Variants in ATP11B observed in about 807,000 individuals in gnomAD.
ATP11B encodes ATPase phospholipid transporting 11B (putative), also known as phospholipid-transporting ATPase IF.
ATP11B carries 81 observed loss-of-function variants against 157.8 expected under a neutral mutation model. The ratio of observed to expected loss-of-function variants is 0.51; its 90% CI spans 0.43 to 0.62. The LOEUF is 0.62. Among genes scored for constraint, ATP11B ranks in the 20% least tolerant of loss-of-function variants. The pLI, the probability that ATP11B is intolerant of heterozygous loss-of-function variation, is 0.00. For synonymous variants in ATP11B, 451 were observed against 469.4 expected (o/e 0.96, Z 0.51); for missense variants, 1,165 against 1,402.2 (o/e 0.83, Z 2.70).
At chr3:182,867,490 A>G (rs544916334) in intron 15 of ATP11B, 46 bp downstream of exon 15, 3 of 1,284,422 alleles carry the variant, frequency 2.3e-6, no homozygotes, top group African/African-American at 2.9e-5. Flanking sequence ...TTAAGTGTAT[A>G]TAGTATAGAA....
At chr3:182,884,631 G>A (rs534572028) in intron 21 of ATP11B, 122 bp from the exon 22 acceptor site, 12 of 910,510 alleles carry the variant, frequency 1.3e-5, no homozygotes, top group Non-Finnish European at 1.9e-5. Flanking sequence ...GCTATCTGCT[G>A]TATATTAGGA....
intron 4 of ATP11B, chr3:182,830,099 A>G (rs1718016101): frequency 3.0e-6 from 1 of 333,980 alleles, no homozygotes; most frequent in African/African-American, 2.2e-5. Context: ...ATACAATTCA[A>G]AAGAGATATG....
intron 28 of ATP11B, chr3:182,902,461 C>G (rs1430576913): frequency 1.6e-6 from 2 of 1,278,084 alleles, no homozygotes; most frequent in African/African-American, 3.0e-5. Flanking sequence ...TGTGTCCATC[C>G]CTTTTCTGTC....
Position 182,836,419 on chromosome 3 carries a change from T to C in ATP11B, c.501T>C (p.Asp167=). 1 of 1,613,992 alleles carries C rather than the reference T, an allele frequency of 6.2e-7. No homozygotes were observed. Among genetic ancestry groups the C allele is most frequent in the Non-Finnish European group, 8.5e-7 (1 of 1,179,852 alleles). The change falls in exon 6 of 30, where the codon GAT becomes GAC. Residue 167 remains aspartate, a synonymous_variant. Coordinates refer to ENST00000323116, the MANE Select transcript of ATP11B (RefSeq NM_014616.3). The part of the protein sequence containing the change: ...DLVLLSSDRL[D]GSCHVTTASL... Reference sequence around the variant, plus strand: ...TGCTTCTGTCCTCAGATCGACTGGATGGTTCCTGTCACGTTACAACTGCTA... The same window carrying C: ...TGCTTCTGTCCTCAGATCGACTGGACGGTTCCTGTCACGTTACAACTGCTA...
intron 19 of ATP11B, among the ~76,000 whole-genome samples, chr3:182,876,842 G>A (rs1577063853): frequency 6.6e-6 from 1 of 152,264 alleles, no homozygotes; most frequent in African/African-American, 2.4e-5. Flanking sequence ...GAAGGGATTC[G>A]ACATTCAAAC....
chr3:182,894,675 C>T (rs1226387913), intron 25 of ATP11B, among the ~76,000 whole-genome samples: 1 of 152,124 alleles, frequency 6.6e-6, no homozygotes, highest in Non-Finnish European at 1.5e-5. Context: ...TCTTCTAGGA[C>T]CTTGAATGGG....
chr3:182,810,987 A>T (rs1290239405), intron 1 of ATP11B, among the ~76,000 whole-genome samples: 3 of 152,262 alleles, frequency 2.0e-5, no homozygotes, highest in Admixed American at 6.5e-5. Context: ...AATCCACATT[A>T]CCACCCTAAT....
At chr3:182,866,191 T>C in intron 13 of ATP11B, 77 bp from the exon 14 acceptor site, 1 of 1,124,404 alleles carries the variant, frequency 8.9e-7, no homozygotes. Flanking sequence ...TTCTAGATCT[T>C]AGAATTTTGC....
At chr3:182,795,111 G>C (rs1223005161) in intron 1 of ATP11B, among the ~76,000 whole-genome samples, 3 of 151,636 alleles carry the variant, frequency 2.0e-5, no homozygotes, top group Non-Finnish European at 4.4e-5. Flanking sequence ...TTTTAGCATT[G>C]TAAATTCAGA....
chr3:182,899,545 T>C (rs1280032938), intron 28 of ATP11B, among the ~76,000 whole-genome samples: 1 of 152,176 alleles, frequency 6.6e-6, no homozygotes, highest in Non-Finnish European at 1.5e-5. Context: ...ATTTTTAAAA[T>C]TACATTATCT....
At chr3:182,856,696 T>C (rs1255895995) in intron 10 of ATP11B, among the ~76,000 whole-genome samples, 4 of 152,220 alleles carry the variant, frequency 2.6e-5, no homozygotes, top group East Asian at 3.9e-4. Flanking sequence ...GTTCCTTTCT[T>C]ACATTCCTTA....
chr3:182,917,221 A>G (rs1490544362), intron 29 of ATP11B: 7 of 985,230 alleles, frequency 7.1e-6, no homozygotes, highest in Non-Finnish European at 8.4e-6. Context: ...CATAAAATGT[A>G]TTTATTGTTA....
intron 1 of ATP11B, among the ~76,000 whole-genome samples, chr3:182,799,378 A>G (rs1715836163): frequency 6.7e-6 from 1 of 148,938 alleles, no homozygotes; most frequent in South Asian, 2.1e-4. Context: ...CTGGGTTCCC[A>G]CCATTCTCCT....
At chr3:182,914,319 A>AATT in intron 29 of ATP11B, 1 of 1,001,954 alleles carries the variant, frequency 1.0e-6, no homozygotes, top group Non-Finnish European at 1.2e-6. Context: ...TTCTTTTTTA[A>AATT]ATTATACATA....
intron 10 of ATP11B, among the ~76,000 whole-genome samples, chr3:182,854,896 T>TA (rs935773709): frequency 1.3e-5 from 2 of 151,952 alleles, no homozygotes; most frequent in African/African-American, 4.8e-5. Context: ...AGCTGAAAAT[T>TA]ACAAAACACT....
chr3:182,892,475 C>T (rs1169898344), intron 25 of ATP11B, among the ~76,000 whole-genome samples: 1 of 152,128 alleles, frequency 6.6e-6, no homozygotes, highest in Admixed American at 6.5e-5. Context: ...AAGATGAAGT[C>T]ATTGCAAACC....
Position 182,836,498 on chromosome 3 carries a change from T to C in ATP11B, c.552+28T>C, listed in dbSNP as rs956222932. On this transcript the variant is annotated intron_variant, in intron 6 of 29. Coordinates refer to ENST00000323116, the MANE Select transcript of ATP11B (RefSeq NM_014616.3). ...TTGCTTGCATATGTTTGAGTATTGC[T>C]CTTGGTGAACAAAGTGTCTTTGGAT... The C allele has an allele frequency of 3.7e-6, 6 of 1,613,282 alleles. No homozygotes were observed. The East Asian group carries it at 1.3e-4, about 36-fold the overall frequency.
chr3:182,890,032 C>T (rs981313200), intron 25 of ATP11B, among the ~76,000 whole-genome samples: 4 of 152,200 alleles, frequency 2.6e-5, no homozygotes, highest in African/African-American at 9.7e-5. Context: ...AATGCTACCA[C>T]ATTCTTCATT....
chr3:182,828,764 C>T (rs1226399429), intron 3 of ATP11B, among the ~76,000 whole-genome samples: 11 of 150,670 alleles, frequency 7.3e-5, no homozygotes, highest in Non-Finnish European at 1.5e-5. Context: ...TTAATTTTCA[C>T]CTTGTGCTTA....
Sources: allele counts gnomAD v4.1 joint callset (sites outside exome capture counted in the v4.1 genomes callset), GRCh38; gene constraint gnomAD v4.1.1; transcripts MANE v1.5; gene names NCBI Gene and HGNC (gene_info 2026-07-23, HGNC 2026-07-21).